The following CRYBG1 variants were observed in gnomAD, a reference collection of about 807,000 sequenced individuals.
The protein encoded by CRYBG1 is beta/gamma crystallin domain-containing protein 1.
In CRYBG1, 139 loss-of-function variants were observed where a neutral mutation model predicts 189.2. That is an observed-to-expected ratio of 0.73 (90% confidence interval 0.64 to 0.85). The LOEUF is 0.85. Among genes scored for constraint, CRYBG1 ranks in the 40% least tolerant of loss-of-function variants. The probability of loss-of-function intolerance (pLI) is 0.00; values close to 1 mark genes in which losing one functional copy is unlikely to be tolerated. For synonymous variants in CRYBG1, 1,023 were observed against 1,017.1 expected (o/e 1.01, Z -0.11); for missense variants, 2,611 against 2,675.8 (o/e 0.98, Z 0.53).
rs1350862841 is a variant in CRYBG1, at chr6:106,423,694, C to CTTTTTTTTTTTTTTTTTTTTTT, written c.174-28000_174-27999insTTTTTTTTTTTTTTTTTTTTTT. Among the ~76,000 whole-genome samples the CTTTTTTTTTTTTTTTTTTTTTT allele has an allele frequency of 8.9e-5, 9 of 101,246 alleles. 4 individuals are homozygous for CTTTTTTTTTTTTTTTTTTTTTT. The highest frequency in any genetic ancestry group is 8.5e-5 in the African/African-American group (2 of 23,608). 66.4% of individuals were successfully genotyped at this position (101,246 alleles called of 152,430 possible). A position where few individuals can be genotyped will look rare whatever the true frequency, so the allele number is the denominator to read the frequency against. ...CCCTCCAGTCCTCAGTTCTCCCTCC[C>CTTTTTTTTTTTTTTTTTTTTTT]CTTTTTTTTTTTTTTTTTTTTTTTT... On this transcript the variant is annotated intron_variant, in intron 1 of 21. Transcript: ENST00000633556.
intron 2 of CRYBG1, among the ~76,000 whole-genome samples, chr6:106,465,310 C>T (rs1218215751): frequency 6.6e-6 from 1 of 152,172 alleles, no homozygotes; most frequent in African/African-American, 2.4e-5. Context: ...ACCAGAGTTG[C>T]GATTTCAGCT....
intron 2 of CRYBG1, among the ~76,000 whole-genome samples, chr6:106,478,204 T>G (rs1362004288): frequency 1.3e-5 from 2 of 152,254 alleles, no homozygotes; most frequent in Non-Finnish European, 2.9e-5. Context: ...TCAAAGCTGT[T>G]CAATAATGAG....
intron 1 of CRYBG1, among the ~76,000 whole-genome samples, chr6:106,370,621 AG>A (rs1185431716): frequency 6.6e-6 from 1 of 152,222 alleles, no homozygotes; most frequent in African/African-American, 2.4e-5. Context: ...GAGGCTTATA[AG>A]GGTTCTGTGA....
intron 1 of CRYBG1, among the ~76,000 whole-genome samples, chr6:106,377,649 T>TATATATATATATATATATATATATATATA (rs1311795670): frequency 3.1e-5 from 4 of 129,984 alleles, no homozygotes; most frequent in African/African-American, 7.6e-5. Flanking sequence ...ATATATATAT[T>TATATATATATATATATATATATATATATA]TTCATTTGCA....
At chr6:106,451,210 T>G (rs1771775944) in intron 1 of CRYBG1, among the ~76,000 whole-genome samples, 1 of 152,196 alleles carries the variant, frequency 6.6e-6, no homozygotes, top group African/African-American at 2.4e-5. Context: ...TCCTTTTGAA[T>G]CTGATAAATA....
At chr6:106,485,354 T>A (rs1170866608) in intron 2 of CRYBG1, among the ~76,000 whole-genome samples, 4 of 152,260 alleles carry the variant, frequency 2.6e-5, no homozygotes, top group African/African-American at 9.6e-5. Flanking sequence ...TGATTTTGTG[T>A]TCCATGACTT....
rs184959819 is a variant in CRYBG1 at position 106,464,025 on chromosome 6, A to C, written c.312+12193A>C. Among the ~76,000 whole-genome samples the C allele has an allele frequency of 1.0e-3, 152 of 152,364 alleles. 1 individual carries two copies. Among genetic ancestry groups the C allele is most frequent in the Admixed American group, 3.2e-3 (49 of 15,302 alleles). ...ACCAAAATGTGTGAGTGGAGGACAA[A>C]TGGACAACTGTAATTTAAATGCTTA... On this transcript the variant is annotated intron_variant, in intron 2 of 21. Transcript: ENST00000633556.
chr6:106,468,876 C>G (rs1772166048), intron 2 of CRYBG1, among the ~76,000 whole-genome samples: 1 of 152,152 alleles, frequency 6.6e-6, no homozygotes, highest in Non-Finnish European at 1.5e-5. Context: ...GGTCTTCTTG[C>G]CCCCTTCTTT....
In CRYBG1 at chr6:106,520,009, C is replaced by G. The variant is rs1773551525; in HGVS notation, c.2801C>G (p.Pro934Arg). Residue 934 changes from proline (P) to arginine (R), a missense_variant, in exon 4 of 22, where the codon CCT becomes CGT. By Grantham distance (103) the Pro-to-Arg change is moderately radical. Coordinates refer to ENST00000633556, the MANE Select transcript of CRYBG1 (RefSeq NM_001371242.2). Reference sequence around the variant, plus strand: ...TTAGAACTTGGAGGAGAAACAACCCCTCCTTTGTCCACAGAGCGTAGTCCA... The same window carrying G: ...TTAGAACTTGGAGGAGAAACAACCCGTCCTTTGTCCACAGAGCGTAGTCCA... ...PLLELGGETTPPLSTERSPEA... is the reference protein window; with the variant it reads ...PLLELGGETTRPLSTERSPEA... 1.2e-6 allele frequency: 2 copies of G among 1,614,168 alleles called. No homozygotes were observed. The highest frequency in any genetic ancestry group is 1.7e-6 in the Non-Finnish European group (2 of 1,180,042).
chr6:106,434,664 C>T (rs1010611702), intron 1 of CRYBG1, among the ~76,000 whole-genome samples: 2 of 152,180 alleles, frequency 1.3e-5, no homozygotes, highest in Non-Finnish European at 2.9e-5. Context: ...TGCAACTGCT[C>T]AACTTTCTCC....
chr6:106,427,165 T>TA (rs1303237690), intron 1 of CRYBG1, among the ~76,000 whole-genome samples: 1 of 152,206 alleles, frequency 6.6e-6, no homozygotes, highest in Non-Finnish European at 1.5e-5. Flanking sequence ...TTTCTGGACT[T>TA]ACAGCTTTAG....
chr6:106,382,011 C>G (rs576841295), intron 1 of CRYBG1, among the ~76,000 whole-genome samples: 2 of 152,296 alleles, frequency 1.3e-5, no homozygotes, highest in South Asian at 4.1e-4. Flanking sequence ...CTAAGAGACA[C>G]TGAAGCAGTA....
At chr6:106,421,600 C>T (rs1326209799) in intron 1 of CRYBG1, among the ~76,000 whole-genome samples, 1 of 152,104 alleles carries the variant, frequency 6.6e-6, no homozygotes. Context: ...GCATGAATGT[C>T]ATTTGGACCC....
chr6:106,522,258 C>G (rs773989538), intron 4 of CRYBG1, among the ~76,000 whole-genome samples: 1 of 152,186 alleles, frequency 6.6e-6, no homozygotes, highest in Non-Finnish European at 1.5e-5. Flanking sequence ...GTGAGATTCA[C>G]TCTTTGTTCC....
At chr6:106,463,109 G>A (rs1772045418) in intron 2 of CRYBG1, among the ~76,000 whole-genome samples, 1 of 152,060 alleles carries the variant, frequency 6.6e-6, no homozygotes, top group African/African-American at 2.4e-5. Context: ...AGCTAGGATG[G>A]CACCAGTACA....
chr6:106,517,326 A>G (rs1468551960), intron 3 of CRYBG1, among the ~76,000 whole-genome samples: 1 of 135,448 alleles, frequency 7.4e-6, no homozygotes. Flanking sequence ...ACATATATAT[A>G]TACACATATA....
intron 2 of CRYBG1, among the ~76,000 whole-genome samples, chr6:106,507,333 T>C (rs1465523106): frequency 6.6e-6 from 1 of 152,208 alleles, no homozygotes; most frequent in African/African-American, 2.4e-5. Flanking sequence ...TTCTGCACTG[T>C]AAGGTGTGCA....
intron 1 of CRYBG1, among the ~76,000 whole-genome samples, chr6:106,391,238 A>G (rs965834950): frequency 9.9e-5 from 15 of 152,038 alleles, no homozygotes; most frequent in Non-Finnish European, 2.1e-4. Context: ...ATGCACCACC[A>G]CACCCAGCTA....
intron 18 of CRYBG1, among the ~76,000 whole-genome samples, chr6:106,560,298 G>A (rs918977372): frequency 2.6e-5 from 4 of 152,188 alleles, no homozygotes; most frequent in South Asian, 2.1e-4. Flanking sequence ...GCCAGTCTGC[G>A]CTTAAACCCA....
Sources: gnomAD v4.1 joint callset for allele counts (sites outside exome capture counted in the v4.1 genomes callset) on GRCh38, gnomAD v4.1.1 for gene constraint, MANE v1.5 for transcripts, NCBI Gene and HGNC (gene_info 2026-07-23, HGNC 2026-07-21) for gene names.